Variants in ARSH observed in about 807,000 individuals in gnomAD.
ARSH encodes arylsulfatase family member H.
In ARSH, 32 loss-of-function variants were observed where a neutral mutation model predicts 28.7. The observed-to-expected ratio is 1.11, with a 90% CI of 0.84 to 1.50. The LOEUF is 1.50. Among genes scored for constraint, ARSH ranks in the 40% most tolerant of loss-of-function variants. The pLI, the probability that ARSH is intolerant of heterozygous loss-of-function variation, is 0.00. For synonymous variants in ARSH, 176 were observed against 177.3 expected, an observed-to-expected ratio of 0.99 and a Z score of 0.06; for missense variants, 440 against 452.4, an observed-to-expected ratio of 0.97 and a Z score of 0.25.
rs747948261 is a variant in ARSH at position 3,024,143 on chromosome X, G to C, written c.1024G>C (p.Gly342Arg). The change falls in exon 6 of 9, where the codon GGG becomes CGG. Residue 342 changes from glycine to arginine, a missense_variant. Physicochemically the swap from Gly to Arg is moderately radical, Grantham distance 125. Coordinates refer to ENST00000381130, the MANE Select transcript of ARSH (RefSeq NM_001011719.2). ...GGCTGTTCAGCTGGGTGGCTGGAACGGGATCTACAAAGGTGATTGTGTGTA... is the reference window on the plus strand; with the variant it reads ...GGCTGTTCAGCTGGGTGGCTGGAACCGGATCTACAAAGGTGATTGTGTGTA... ...DGAVQLGGWN[G>R]IYKGGKGMGG... is the part of the protein sequence containing the mutation. 8.4e-7 allele frequency: 1 copy of C among 1,195,110 alleles called. No homozygotes were observed. The highest frequency in any genetic ancestry group is 1.8e-5 in the South Asian group (1 of 54,089).
At position 3,029,332 on chromosome X, in the gene ARSH, G is replaced by C. The variant is rs756321575; in HGVS notation, c.1285G>C (p.Val429Leu). The change falls in exon 8 of 9, where the codon GTC becomes CTC. Residue 429 changes from valine (V) to leucine (L), a missense_variant. Physicochemically the swap from Val to Leu is conservative, Grantham distance 32. Coordinates refer to ENST00000381130, the MANE Select transcript of ARSH (RefSeq NM_001011719.2). ...DHEFLFHYCG[V>L]YLHTVRWHQK... ...CGAGTTCCTCTTCCACTACTGTGGG[G>C]TCTATCTGCACACGGTCAGGTGGCA... 1 of 1,210,807 alleles carries C rather than the reference G, an allele frequency of 8.3e-7. No homozygotes were observed. The highest frequency in any genetic ancestry group is 1.8e-5 in the South Asian group (1 of 56,840).
Position 3,029,249 on chromosome X carries a change from T to C in ARSH, c.1202T>C (p.Val401Ala). The C allele has an allele frequency of 1.7e-6, 2 of 1,208,805 alleles. No homozygotes were observed. Among genetic ancestry groups the C allele is most frequent in the Non-Finnish European group, 2.2e-6 (2 of 894,523 alleles). ...IGGGILSQDR[V>A]IDGQNLMPLL... Reference sequence around the variant, plus strand: ...TACACACCCCCTTCTCTCCCAAGAGTGATTGACGGCCAGAACCTAATGCCC... The same window carrying C: ...TACACACCCCCTTCTCTCCCAAGAGCGATTGACGGCCAGAACCTAATGCCC... The change falls in exon 8 of 9, where the codon GTG becomes GCG. Residue 401 changes from valine (V) to alanine (A), a missense_variant and splice_region_variant. By Grantham distance (64) the Val-to-Ala change is moderately conservative. Coordinates refer to ENST00000381130, the MANE Select transcript of ARSH (RefSeq NM_001011719.2).
chrX:3,013,653 G>A (rs1244236218), intron 3 of ARSH, among the ~76,000 whole-genome samples: 1 of 110,461 alleles, frequency 9.1e-6, no homozygotes, highest in African/African-American at 3.3e-5. Context: ...TAAGTTTGTA[G>A]AATTCCAGTC....
At position 3,033,525 on chromosome X, in the gene ARSH, T is replaced by A; in HGVS notation, c.*140T>A. 1 of 660,332 alleles carries A rather than the reference T, an allele frequency of 1.5e-6. No individual in the cohort carries two copies. The allele number at this position is 660,332 out of a possible 1,213,427, so 54.4% of individuals were successfully genotyped here. ...TGTTTTATCCTCAGAAATCAGTTCT[T>A]TCAAGAGCTCGGTGAAATTAAAGTG... is the stretch of plus-strand genomic sequence containing the variant. On this transcript the variant is annotated 3_prime_UTR_variant, in exon 9 of 9. Coordinates refer to ENST00000381130, the MANE Select transcript of ARSH (RefSeq NM_001011719.2).
chrX:3,029,884 T>G (rs752409130), intron 8 of ARSH, among the ~76,000 whole-genome samples: 1 of 111,065 alleles, frequency 9.0e-6, no homozygotes, highest in African/African-American at 3.3e-5. Flanking sequence ...GCCCAAAGGG[T>G]TTTATTTTAA....
In ARSH at chrX:3,018,675, GTATT is replaced by G; in HGVS notation, c.901+6_901+9del. ...AAGAAATGGATTGGATGGTGGGTAA[GTATT>G]CAGTAACAGAACTGTAAATATCTGA... is the stretch of plus-strand genomic sequence containing the variant. On this transcript the variant is annotated splice_donor_region_variant and intron_variant, in intron 5 of 8. Coordinates refer to ENST00000381130, the MANE Select transcript of ARSH (RefSeq NM_001011719.2). 2 of 1,208,831 alleles carry G rather than the reference GTATT, an allele frequency of 1.7e-6. No individual in the cohort carries two copies. Among genetic ancestry groups the G allele is most frequent in the Non-Finnish European group, 2.2e-6 (2 of 893,574 alleles).
Position 3,023,999 on chromosome X carries a change from TTGTGTCTC to T in ARSH, c.902-19_902-12del, listed in dbSNP as rs1456053917. ...GATCTGCATCAAGAGGTCAACGTCT[TTGTGTCTC>T]TGACCCTCTCCAGGTAAAATCCTGG... On this transcript the variant is annotated splice_polypyrimidine_tract_variant and intron_variant, in intron 5 of 8. Coordinates refer to ENST00000381130, the MANE Select transcript of ARSH (RefSeq NM_001011719.2). The T allele has an allele frequency of 1.7e-6, 2 of 1,206,513 alleles. No homozygotes were observed. Among genetic ancestry groups the T allele is most frequent in the East Asian group, 6.0e-5 (2 of 33,539 alleles).
At chrX:3,026,628 A>G (rs2089899440) in intron 6 of ARSH, among the ~76,000 whole-genome samples, 1 of 111,629 alleles carries the variant, frequency 9.0e-6, no homozygotes, top group Admixed American at 9.5e-5. Context: ...CCTCAGTCTC[A>G]TGATTGATCT....
chrX:3,016,003 ATTTTT>A, intron 4 of ARSH, among the ~76,000 whole-genome samples: 1 of 99,194 alleles, frequency 1.0e-5, no homozygotes, highest in Admixed American at 1.1e-4. Flanking sequence ...TAATGTTTTA[ATTTTT>A]TTTTTTTTTT....
intron 1 of ARSH, among the ~76,000 whole-genome samples, chrX:3,007,956 G>A (rs145049966): frequency 1.3e-4 from 14 of 111,211 alleles, no homozygotes; most frequent in Admixed American, 1.1e-3. Context: ...CCACTTTAAC[G>A]ACCTCATGCT....
intron 4 of ARSH, 50 bp from the exon 5 acceptor site, chrX:3,018,483 GA>G (rs2089871936): frequency 8.6e-7 from 1 of 1,168,498 alleles, no homozygotes; most frequent in Non-Finnish European, 1.2e-6. Context: ...TTAAATGATG[GA>G]AATGACTTCA....
At chrX:3,012,599 A>AT (rs59852136) in intron 2 of ARSH, among the ~76,000 whole-genome samples, 9,251 of 28,319 alleles carry the variant, frequency 0.33, 1,732 homozygotes, top group East Asian at 0.86. Context: ...ATATATATAT[A>AT]ATATATATAT....
chrX:3,008,392 G>C (rs1199998874), intron 1 of ARSH, among the ~76,000 whole-genome samples: 1 of 111,260 alleles, frequency 9.0e-6, no homozygotes, highest in African/African-American at 3.3e-5. Flanking sequence ...TCACAGTCTA[G>C]TCCTATATCT....
intron 5 of ARSH, among the ~76,000 whole-genome samples, chrX:3,020,021 C>T: frequency 9.1e-6 from 1 of 109,341 alleles, no homozygotes; most frequent in Non-Finnish European, 1.9e-5. Flanking sequence ...CGTGGTGGCT[C>T]ATGTCTGTAG....
intron 3 of ARSH, among the ~76,000 whole-genome samples, chrX:3,013,902 C>T (rs781099387): frequency 2.5e-4 from 28 of 111,449 alleles, no homozygotes; most frequent in African/African-American, 7.5e-4. Context: ...CTTTGAGCAG[C>T]GTTCTTACAT....
chrX:3,013,048 G>A lies in ARSH; in HGVS notation c.216G>A (p.Gly72=). The change falls in exon 3 of 9, where the codon GGG becomes GGA. Residue 72 remains glycine, a splice_region_variant and synonymous_variant. Transcript: ENST00000381130. The part of the protein sequence containing the change: ...FLTGRYPIRS[G]MVSAYNLNRA... Reference sequence around the variant, plus strand: ...ACTTATTGACTTCTGTGAATTTAGGGATGGTGTCTGCCTACAACCTGAACC... The same window carrying A: ...ACTTATTGACTTCTGTGAATTTAGGAATGGTGTCTGCCTACAACCTGAACC... 8.3e-7 allele frequency: 1 copy of A among 1,208,919 alleles called. No homozygotes were observed. Among genetic ancestry groups the A allele is most frequent in the Non-Finnish European group, 1.1e-6 (1 of 894,362 alleles).
At chrX:3,006,896 C>T (rs1236591787) in intron 1 of ARSH, among the ~76,000 whole-genome samples, 192 bp downstream of exon 1, 1 of 111,011 alleles carries the variant, frequency 9.0e-6, no homozygotes, top group African/African-American at 3.3e-5. Flanking sequence ...TCCTTAGATT[C>T]TAGCTGTTGG....
chrX:3,030,856 T>G (rs1469099412), intron 8 of ARSH, among the ~76,000 whole-genome samples: 3 of 111,122 alleles, frequency 2.7e-5, no homozygotes, highest in South Asian at 3.8e-4. Flanking sequence ...CCCCTCAAGC[T>G]GTCAAAATAC....
chrX:3,015,501 A>G (rs2089863730), intron 4 of ARSH, 108 bp downstream of exon 4: 1 of 803,446 alleles, frequency 1.2e-6, no homozygotes, highest in African/African-American at 2.1e-5. Context: ...CTTGGAGAGA[A>G]TGTGCGGCAT....
Sources: gnomAD v4.1 joint callset for allele counts (sites outside exome capture counted in the v4.1 genomes callset) on GRCh38, gnomAD v4.1.1 for gene constraint, MANE v1.5 for transcripts, NCBI Gene and HGNC (gene_info 2026-07-23, HGNC 2026-07-21) for gene names.